The following NRXN1 variants were observed in gnomAD, a reference collection of about 807,000 sequenced individuals.
The protein encoded by NRXN1 is neurexin-1.
Under a neutral mutation model 150.9 loss-of-function variants are expected in NRXN1, and 39 were observed. The ratio of observed to expected loss-of-function variants is 0.26; its 90% CI spans 0.20 to 0.34. The LOEUF is 0.34. NRXN1 is among the 10% of genes least tolerant of loss of function. The probability of loss-of-function intolerance (pLI) is 1.00; values close to 1 mark genes in which losing one functional copy is unlikely to be tolerated. For missense variants in NRXN1, 1,815 were observed against 1,949.9 expected, an observed-to-expected ratio of 0.93 and a Z score of 1.30; for synonymous variants, 924 against 757.0, an observed-to-expected ratio of 1.22 and a Z score of -3.62.
At chr2:50,983,814 G>T (rs1697228196) in intron 2 of NRXN1, among the ~76,000 whole-genome samples, 1 of 151,984 alleles carries the variant, frequency 6.6e-6, no homozygotes, top group African/African-American at 2.4e-5. Flanking sequence ...CCTTCTTCAA[G>T]ATACTTACTA....
chr2:51,026,478 G>A lies in NRXN1; in HGVS notation c.772+1024C>T, dbSNP rs199645252. 1.3e-6 allele frequency: 2 copies of A among 1,567,134 alleles called. No individual in the cohort carries two copies. Among genetic ancestry groups the A allele is most frequent in the Non-Finnish European group, 8.7e-7 (1 of 1,146,772 alleles). ...AAGACCGAATTTTATTTCTAAAGAG[G>A]AGAAAAGAGAACTTAGGTATGACTT... On this transcript the variant is annotated intron_variant, in intron 2 of 22. Coordinates refer to ENST00000401669, the MANE Select transcript of NRXN1 (RefSeq NM_001330078.2).
intron 8 of NRXN1, among the ~76,000 whole-genome samples, chr2:50,601,357 G>C (rs1420750365): frequency 6.6e-6 from 1 of 152,122 alleles, no homozygotes; most frequent in Non-Finnish European, 1.5e-5. Flanking sequence ...TTAACTCTTG[G>C]ATCTGTTCTT....
chr2:50,454,853 G>A (rs571412127), intron 17 of NRXN1, among the ~76,000 whole-genome samples: 2 of 152,206 alleles, frequency 1.3e-5, no homozygotes, highest in East Asian at 3.9e-4. Context: ...GACAACTCTA[G>A]ACAGTAAATA....
At chr2:50,596,145 T>A (rs74487623) in intron 8 of NRXN1, among the ~76,000 whole-genome samples, 3 of 152,334 alleles carry the variant, frequency 2.0e-5, no homozygotes, top group African/African-American at 7.2e-5. Flanking sequence ...TTTTTGCTCA[T>A]GGCCAACTTT....
intron 17 of NRXN1, among the ~76,000 whole-genome samples, chr2:50,252,001 A>T (rs1039803385): frequency 6.6e-6 from 1 of 151,862 alleles, no homozygotes; most frequent in Admixed American, 6.6e-5. Flanking sequence ...CACTCTGATG[A>T]TAGTTTCTTT....
At chr2:49,980,528 G>A (rs1260117055) in intron 21 of NRXN1, among the ~76,000 whole-genome samples, 1 of 152,148 alleles carries the variant, frequency 6.6e-6, no homozygotes, top group African/African-American at 2.4e-5. Flanking sequence ...GAGGAAAAAT[G>A]CAGATGACTT....
chr2:50,443,841 ATCTGTCCTCTGTT>A (rs2086175220), intron 17 of NRXN1, among the ~76,000 whole-genome samples: 2 of 152,174 alleles, frequency 1.3e-5, no homozygotes, highest in African/African-American at 4.8e-5. Context: ...ACTTTATAAA[ATCTGTCCTCTGTT>A]GTCTGTGGGG....
At chr2:50,391,460 G>A (rs1205584773) in intron 17 of NRXN1, among the ~76,000 whole-genome samples, 2 of 152,064 alleles carry the variant, frequency 1.3e-5, no homozygotes, top group African/African-American at 4.8e-5. Context: ...GAGAATCCAT[G>A]TGTTTCAAAT....
At chr2:50,065,398 A>G (rs1363438857) in intron 19 of NRXN1, among the ~76,000 whole-genome samples, 1 of 152,150 alleles carries the variant, frequency 6.6e-6, no homozygotes, top group Admixed American at 6.5e-5. Flanking sequence ...CGTGAGTCAT[A>G]AGGGCCAACA....
chr2:50,875,225 A>G (rs1678392731), intron 5 of NRXN1, among the ~76,000 whole-genome samples: 2 of 151,720 alleles, frequency 1.3e-5, no homozygotes, highest in African/African-American at 4.8e-5. Context: ...CTATATTACA[A>G]TTTGAATCAA....
rs201997298 is a variant in NRXN1 at position 49,921,510 on chromosome 2, T to G, written c.*434A>C. 6.2e-6 allele frequency: 1 copy of G among 160,346 alleles called. No homozygotes were observed. The highest frequency in any genetic ancestry group is 1.8e-4 in the East Asian group (1 of 5,432). 9.9% of individuals were successfully genotyped at this position (160,346 alleles called of 1,614,324 possible). A position where few individuals can be genotyped will look rare whatever the true frequency, so the allele number is the denominator to read the frequency against. Reference sequence around the variant, plus strand: ...TCAAAAGGACAGTCTTCTCTGGCAATTGGACTGACTTCTCAGGAAAGCGCT... The same window carrying G: ...TCAAAAGGACAGTCTTCTCTGGCAAGTGGACTGACTTCTCAGGAAAGCGCT... On this transcript the variant is annotated 3_prime_UTR_variant, in exon 23 of 23. Coordinates refer to ENST00000401669, the MANE Select transcript of NRXN1 (RefSeq NM_001330078.2).
chr2:50,809,554 T>C (rs912662331), intron 5 of NRXN1, among the ~76,000 whole-genome samples: 4 of 152,154 alleles, frequency 2.6e-5, no homozygotes, highest in Non-Finnish European at 5.9e-5. Context: ...AGAGGTTTAG[T>C]ATTTTTGAGG....
chr2:50,930,237 C>T (rs1687539919), intron 2 of NRXN1, among the ~76,000 whole-genome samples: 1 of 152,046 alleles, frequency 6.6e-6, no homozygotes, highest in East Asian at 1.9e-4. Flanking sequence ...AAATGTATCT[C>T]TAAACCGGAT....
intron 17 of NRXN1, among the ~76,000 whole-genome samples, chr2:50,282,217 G>A (rs895458039): frequency 1.6e-4 from 24 of 152,118 alleles, no homozygotes; most frequent in Admixed American, 1.1e-3. Flanking sequence ...GCCATGCTAA[G>A]GATTTTGAAA....
chr2:50,847,533 G>T (rs1673842907), intron 5 of NRXN1, among the ~76,000 whole-genome samples: 1 of 152,098 alleles, frequency 6.6e-6, no homozygotes, highest in South Asian at 2.1e-4. Flanking sequence ...CCACCCCCAC[G>T]GACCCAGGTG....
At chr2:50,994,239 TAAAC>T (rs1698954717) in intron 2 of NRXN1, among the ~76,000 whole-genome samples, 1 of 151,980 alleles carries the variant, frequency 6.6e-6, no homozygotes, top group African/African-American at 2.4e-5. Flanking sequence ...GTTTCATTAA[TAAAC>T]AATCTCACAC....
intron 21 of NRXN1, among the ~76,000 whole-genome samples, chr2:49,996,013 G>A (rs968449491): frequency 6.6e-6 from 1 of 152,062 alleles, no homozygotes; most frequent in South Asian, 2.1e-4. Context: ...AGTGAGCAGT[G>A]ATCTGCACAG....
chr2:50,315,695 C>T (rs945942743), intron 17 of NRXN1, among the ~76,000 whole-genome samples: 13 of 152,098 alleles, frequency 8.5e-5, no homozygotes, highest in African/African-American at 2.7e-4. Context: ...TATAAATTGT[C>T]CTCAGATTCC....
At chr2:50,937,642 AGAT>A (rs780830154) in intron 2 of NRXN1, among the ~76,000 whole-genome samples, 4 of 152,078 alleles carry the variant, frequency 2.6e-5, no homozygotes, top group East Asian at 1.9e-4. Context: ...TTTATGAAGT[AGAT>A]GATGATGATG....
Sources: allele counts gnomAD v4.1 joint callset (sites outside exome capture counted in the v4.1 genomes callset), GRCh38; gene constraint gnomAD v4.1.1; transcripts MANE v1.5; gene names NCBI Gene and HGNC (gene_info 2026-07-23, HGNC 2026-07-21).